The following SMARCA2 variants were observed in gnomAD, a reference collection of about 807,000 sequenced individuals.
The protein encoded by SMARCA2 is SWI/SNF-related matrix-associated actin-dependent regulator of chromatin subfamily A member 2.
Under a neutral mutation model 199.8 loss-of-function variants are expected in SMARCA2, and 61 were observed. That is an observed-to-expected ratio of 0.31 (90% CI 0.25 to 0.38). The LOEUF (loss-of-function observed/expected upper bound fraction) is 0.38, where lower values mean the gene tolerates loss of function less well. SMARCA2 is among the 10% of genes least tolerant of loss of function. The pLI, the probability that SMARCA2 is intolerant of heterozygous loss-of-function variation, is 1.00. For missense variants in SMARCA2, 1,344 were observed against 2,012.2 expected (o/e 0.67, Z 6.35); for synonymous variants, 935 against 732.0 (o/e 1.28, Z -4.48).
intron 19 of SMARCA2, 80 bp from the exon 20 acceptor site, chr9:2,096,577 T>C: frequency 1.2e-6 from 1 of 841,992 alleles, no homozygotes; most frequent in Non-Finnish European, 2.1e-6. Flanking sequence ...CTTCCAGGAG[T>C]GACACTGACT....
intron 9 of SMARCA2, among the ~76,000 whole-genome samples, chr9:2,063,350 G>A (rs143857045): frequency 1.3e-5 from 2 of 152,154 alleles, no homozygotes; most frequent in African/African-American, 4.8e-5. Flanking sequence ...TGACACTTTG[G>A]ATTATCTGTA....
intron 1 of SMARCA2, among the ~76,000 whole-genome samples, chr9:2,025,618 G>A (rs1016106797): frequency 1.3e-5 from 2 of 152,112 alleles, no homozygotes; most frequent in African/African-American, 4.8e-5. Context: ...AGAGAGTCCA[G>A]GGGATACTGG....
chr9:2,182,682 A>G (rs1365450726), intron 31 of SMARCA2, among the ~76,000 whole-genome samples: 3 of 151,950 alleles, frequency 2.0e-5, no homozygotes, highest in South Asian at 2.1e-4. Flanking sequence ...TGTAGTACAG[A>G]TGGAGTTTCA....
At chr9:2,182,106 C>CT (rs1228353642) in intron 30 of SMARCA2, 35 bp from the exon 31 acceptor site, 10 of 1,369,720 alleles carry the variant, frequency 7.3e-6, no homozygotes, top group Admixed American at 1.7e-5. Context: ...TCCTCTCCCT[C>CT]TTTTTTTCTC....
chr9:2,053,144 G>A (rs1036365602), intron 5 of SMARCA2, among the ~76,000 whole-genome samples: 14 of 152,058 alleles, frequency 9.2e-5, no homozygotes, highest in African/African-American at 3.4e-4. Flanking sequence ...CCGTCTAGTA[G>A]TCCCCAGTGT....
At chr9:2,028,407 A>G (rs535156182) in intron 1 of SMARCA2, among the ~76,000 whole-genome samples, 2 of 152,364 alleles carry the variant, frequency 1.3e-5, no homozygotes, top group South Asian at 2.1e-4. Context: ...TAGTAATTAC[A>G]TATATGAGTA....
intron 32 of SMARCA2, among the ~76,000 whole-genome samples, 165 bp from the exon 33 acceptor site, chr9:2,191,101 G>T (rs554082382): frequency 6.6e-6 from 1 of 152,286 alleles, no homozygotes; most frequent in Admixed American, 6.5e-5. Flanking sequence ...GCAAGTGAAA[G>T]GGGTCGCTGA....
intron 27 of SMARCA2, among the ~76,000 whole-genome samples, chr9:2,152,419 G>A (rs1280528181): frequency 5.3e-5 from 8 of 152,246 alleles, no homozygotes; most frequent in Non-Finnish European, 1.0e-4. Flanking sequence ...CAGGTGTGGT[G>A]GCTCATGGCT....
Position 2,123,258 on chromosome 9 carries a change from G to C in SMARCA2, c.3763-461G>C, listed in dbSNP as rs996349571. 6.6e-6 allele frequency among the ~76,000 whole-genome samples: 1 copy of C among 151,482 alleles called. No homozygotes were observed. The highest frequency in any genetic ancestry group is 2.4e-5 in the African/African-American group (1 of 41,220). The stretch of plus-strand genomic sequence containing the variant: ...GGGTCCCCCTTTTTTTTTTATTGCT[G>C]ATTGTTTAGTTCAAAGCACAAGCCC... On this transcript the variant is annotated intron_variant, in intron 26 of 33. Transcript: ENST00000349721. The surrounding 1 kb of genome is among the most constrained non-coding windows in gnomAD (Gnocchi z 4.1).
intron 32 of SMARCA2, among the ~76,000 whole-genome samples, chr9:2,189,464 C>G (rs937271982): frequency 6.6e-6 from 1 of 152,250 alleles, no homozygotes; most frequent in Admixed American, 6.5e-5. Context: ...CATTCATTTC[C>G]TATACTCCTG....
chr9:2,064,959 C>T (rs190992203), intron 9 of SMARCA2, among the ~76,000 whole-genome samples: 1,607 of 152,268 alleles, frequency 0.011, 64 homozygotes, highest in Admixed American at 0.069. Context: ...CCGAGGCGGG[C>T]GGATCACGAA....
At chr9:2,151,887 T>G (rs1291327201) in intron 27 of SMARCA2, among the ~76,000 whole-genome samples, 1 of 152,134 alleles carries the variant, frequency 6.6e-6, no homozygotes, top group Non-Finnish European at 1.5e-5. Context: ...GTATTTTACT[T>G]TAGTTGGAAG....
chr9:2,059,586 A>G (rs1339977514), intron 8 of SMARCA2, among the ~76,000 whole-genome samples: 4 of 152,232 alleles, frequency 2.6e-5, no homozygotes, highest in Non-Finnish European at 5.9e-5. Context: ...GGCATTTGCA[A>G]ATCATTAATT....
At chr9:2,191,976 G>A (rs7848752) in intron 33 of SMARCA2, 22,224 of 153,324 alleles carry the variant, frequency 0.14, 2,898 homozygotes, top group African/African-American at 0.34. Flanking sequence ...TGTCGGCATC[G>A]TGAGATAGAT....
At chr9:2,050,647 C>G (rs1820078082) in intron 5 of SMARCA2, among the ~76,000 whole-genome samples, 1 of 150,010 alleles carries the variant, frequency 6.7e-6, no homozygotes, top group Non-Finnish European at 1.5e-5. Flanking sequence ...TTTTGACCTG[C>G]CCTTGTCGCC....
chr9:2,123,693 G>T lies in SMARCA2; in HGVS notation c.3763-26G>T. On this transcript the variant is annotated intron_variant, in intron 26 of 33. Coordinates refer to ENST00000349721, the MANE Select transcript of SMARCA2 (RefSeq NM_003070.5). This position sits in a 1 kb window ranked among gnomAD's most constrained non-coding sequence, Gnocchi z 4.1. Reference sequence around the variant, plus strand: ...GCACCATACAGAAGCCCTGACTTTCGGTGACCCTCTTATTAATGTCTCCAG... The same window carrying T: ...GCACCATACAGAAGCCCTGACTTTCTGTGACCCTCTTATTAATGTCTCCAG... The T allele has an allele frequency of 1.9e-6, 3 of 1,607,260 alleles. No individual in the cohort carries two copies. The highest frequency in any genetic ancestry group is 1.1e-5 in the South Asian group (1 of 90,470).
At chr9:2,070,927 A>G (rs1017585591) in intron 10 of SMARCA2, among the ~76,000 whole-genome samples, 11 of 152,356 alleles carry the variant, frequency 7.2e-5, no homozygotes, top group African/African-American at 2.6e-4. Context: ...TGGGCTTGCC[A>G]TATAGCTTCT....
intron 28 of SMARCA2, among the ~76,000 whole-genome samples, chr9:2,163,622 A>G (rs1825796500): frequency 6.6e-6 from 1 of 152,218 alleles, no homozygotes; most frequent in South Asian, 2.1e-4. Context: ...ATCACTCTGT[A>G]TATACATCAA....
At chr9:2,172,771 T>C (rs980248438) in intron 29 of SMARCA2, among the ~76,000 whole-genome samples, 19 of 152,014 alleles carry the variant, frequency 1.2e-4, no homozygotes, top group Non-Finnish European at 2.1e-4. Flanking sequence ...CAGGGACCAG[T>C]GTGTGATGTC....
Sources: gnomAD v4.1 joint callset for allele counts (sites outside exome capture counted in the v4.1 genomes callset) on GRCh38, gnomAD v4.1.1 for gene constraint, Gnocchi (gnomAD v3.1) non-coding constraint, MANE v1.5 for transcripts, NCBI Gene and HGNC (gene_info 2026-07-23, HGNC 2026-07-21) for gene names.